The following PRODH2 variants were observed in gnomAD, a reference collection of about 807,000 sequenced individuals.
The protein encoded by PRODH2 is hydroxyproline dehydrogenase.
In PRODH2, 49 loss-of-function variants were observed where a neutral mutation model predicts 51.9. The observed-to-expected ratio is 0.94, with a 90% CI of 0.75 to 1.20. The LOEUF is 1.20. Among genes scored for constraint, PRODH2 ranks in the 50% most tolerant of loss-of-function variants. The probability of loss-of-function intolerance (pLI) is 0.00; values close to 1 mark genes in which losing one functional copy is unlikely to be tolerated. For missense variants in PRODH2, 597 were observed against 610.9 expected, an observed-to-expected ratio of 0.98 and a Z score of 0.24; for synonymous variants, 249 against 260.7, an observed-to-expected ratio of 0.96 and a Z score of 0.43.
At chr19:35,809,969 A>ACAAAAAAC (rs1972578644) in intron 4 of PRODH2, among the ~76,000 whole-genome samples, 1 of 122,152 alleles carries the variant, frequency 8.2e-6, no homozygotes, top group Admixed American at 8.5e-5. Context: ...AAAAAAAAAA[A>ACAAAAAAC]AAAAAAAAAA....
At chr19:35,807,200 A>G in intron 4 of PRODH2, 79 bp from the exon 5 acceptor site, 2 of 1,298,986 alleles carry the variant, frequency 1.5e-6, no homozygotes, top group Non-Finnish European at 2.2e-6. Context: ...GTTAGGTACT[A>G]TTTATTGAGG....
chr19:35,811,435 G>A, intron 4 of PRODH2, among the ~76,000 whole-genome samples: 1 of 107,502 alleles, frequency 9.3e-6, no homozygotes, highest in Admixed American at 1.0e-4. Context: ...AAGGAAGGAA[G>A]GAATAAAGGA....
intron 9 of PRODH2, 29 bp from the exon 10 acceptor site, chr19:35,800,251 G>A (rs556269960): frequency 1.9e-5 from 29 of 1,503,960 alleles, no homozygotes; most frequent in African/African-American, 8.4e-5. Flanking sequence ...TTGTTTTTTC[G>A]TTTTTGGTGT....
chr19:35,812,062 G>A lies in PRODH2; in HGVS notation c.511-14C>T, dbSNP rs753585668. On this transcript the variant is annotated splice_polypyrimidine_tract_variant and intron_variant, in intron 3 of 9. Transcript: ENST00000653904. ...GGCTAGCTCCTTCTGAAATGGGGTG[G>A]TAGGCGGGGTGGTGAGGGGAGCCCG... 23 of 1,613,976 alleles carry A rather than the reference G, an allele frequency of 1.4e-5. No homozygotes were observed. The highest frequency in any genetic ancestry group is 8.3e-5 in the Admixed American group (5 of 60,008).
At position 35,807,034 on chromosome 19, in the gene PRODH2, G is replaced by A. The variant is rs1414727966; in HGVS notation, c.678+7C>T. Reference sequence around the variant, plus strand: ...CCGGAGGTGCTGGTTCCAGCAGGAGGGGTTACCTGTGCCACCCGATGCAGG... The same window carrying A: ...CCGGAGGTGCTGGTTCCAGCAGGAGAGGTTACCTGTGCCACCCGATGCAGG... On this transcript the variant is annotated splice_region_variant and intron_variant, in intron 5 of 9. Coordinates refer to ENST00000653904, the MANE Select transcript of PRODH2 (RefSeq NM_021232.2). 10 of 1,550,202 alleles carry A rather than the reference G, an allele frequency of 6.5e-6. No individual in the cohort carries two copies. The highest frequency in any genetic ancestry group is 8.7e-6 in the Non-Finnish European group (10 of 1,146,866).
rs372605004 is a variant in PRODH2 at position 35,800,128 on chromosome 19, G to T, written c.1293C>A (p.Ser431Arg). 1.9e-6 allele frequency: 3 copies of T among 1,608,722 alleles called. No homozygotes were observed. The highest frequency in any genetic ancestry group is 1.7e-5 in the Admixed American group (1 of 59,324). Residue 431 changes from serine (S) to arginine (R), a missense_variant, in exon 10 of 10, where the codon AGC becomes AGA. By Grantham distance (110) the Ser-to-Arg change is moderately radical. Coordinates refer to ENST00000653904, the MANE Select transcript of PRODH2 (RefSeq NM_021232.2). ...YLIRRAQENRSVLQGARREQE... is the reference protein window; with the variant it reads ...YLIRRAQENRRVLQGARREQE... ...GTTCCCTGCGGGCACCCTGAAGCAC[G>T]CTCCGGTTCTCCTGGGCCCTCCGGA... is the stretch of plus-strand genomic sequence containing the variant.
At chr19:35,804,833 G>T (rs1367259267) in intron 7 of PRODH2, among the ~76,000 whole-genome samples, 2 of 152,192 alleles carry the variant, frequency 1.3e-5, no homozygotes, top group Admixed American at 1.3e-4. Flanking sequence ...CTACTGGGGA[G>T]ACTGAGGTGG....
intron 4 of PRODH2, 106 bp from the exon 5 acceptor site, chr19:35,807,227 A>G: frequency 9.2e-7 from 1 of 1,086,752 alleles, no homozygotes; most frequent in Non-Finnish European, 1.3e-6. Flanking sequence ...TGAGCCTAGA[A>G]TCAGGGCTCG....
intron 9 of PRODH2, among the ~76,000 whole-genome samples, chr19:35,801,405 G>A (rs967014476): frequency 1.2e-4 from 19 of 152,142 alleles, no homozygotes; most frequent in Admixed American, 4.6e-4. Context: ...GGCAAAGGTT[G>A]CAGTGAGCCA....
intron 2 of PRODH2, 25 bp from the exon 3 acceptor site, chr19:35,812,297 C>A (rs1209426596): frequency 6.2e-7 from 1 of 1,612,294 alleles, no homozygotes; most frequent in Non-Finnish European, 8.5e-7. Flanking sequence ...GGTGTCAGGG[C>A]CCGAACAGCA....
chr19:35,812,802 G>A lies in PRODH2; in HGVS notation c.4C>T (p.Leu2Phe). Residue 2 changes from leucine (L) to phenylalanine (F), a missense_variant, in exon 1 of 10, where the codon CTC becomes TTC. Coordinates refer to ENST00000653904, the MANE Select transcript of PRODH2 (RefSeq NM_021232.2). M[L>F]RTCYVLCSQA... ...GAACAGAGCACGTAACAGGTCCGGAGCATCCTGGGTCCCTGGCTGCCTCCA... is the reference window on the plus strand; with the variant it reads ...GAACAGAGCACGTAACAGGTCCGGAACATCCTGGGTCCCTGGCTGCCTCCA... 1 of 1,589,166 alleles carries A rather than the reference G, an allele frequency of 6.3e-7. No individual in the cohort carries two copies. The highest frequency in any genetic ancestry group is 8.6e-7 in the Non-Finnish European group (1 of 1,164,590).
chr19:35,810,471 C>T (rs1972591390), intron 4 of PRODH2, among the ~76,000 whole-genome samples: 1 of 151,316 alleles, frequency 6.6e-6, no homozygotes, highest in African/African-American at 2.4e-5. Flanking sequence ...GGGGGCCGGG[C>T]ATGGTGGCTC....
intron 7 of PRODH2, among the ~76,000 whole-genome samples, chr19:35,806,177 C>T (rs1020836106): frequency 6.6e-6 from 1 of 152,146 alleles, no homozygotes; most frequent in South Asian, 2.1e-4. Flanking sequence ...CCTTGAACTC[C>T]TGGCCTCAAG....
chr19:35,807,218 G>T (rs990496383), intron 4 of PRODH2, 97 bp from the exon 5 acceptor site: 11 of 1,176,254 alleles, frequency 9.4e-6, no homozygotes, highest in African/African-American at 1.5e-5. Flanking sequence ...AGGGGGTTAT[G>T]AGCCTAGAAT....
intron 4 of PRODH2, among the ~76,000 whole-genome samples, chr19:35,807,897 T>C (rs1284294504): frequency 6.6e-6 from 1 of 152,080 alleles, no homozygotes; most frequent in African/African-American, 2.4e-5. Context: ...TGCTTCAGCC[T>C]TCCAAGTACC....
At position 35,803,055 on chromosome 19, in the gene PRODH2, A is replaced by G; in HGVS notation, c.1025T>C (p.Met342Thr). The G allele has an allele frequency of 2.6e-6, 4 of 1,559,286 alleles. No individual in the cohort carries two copies. Among genetic ancestry groups the G allele is most frequent in the Non-Finnish European group, 3.5e-6 (4 of 1,147,748 alleles). Residue 342 changes from methionine (M) to threonine (T), a missense_variant, in exon 8 of 10, where the codon ATG (methionine) becomes ACG (threonine). By Grantham distance (81) the Met-to-Thr change is moderately conservative. Coordinates refer to ENST00000653904, the MANE Select transcript of PRODH2 (RefSeq NM_021232.2). ...SQSYSRCLEL[M>T]LTHVARHGPM... Reference sequence around the variant, plus strand: ...GCCATGGCGGGCCACGTGCGTCAGCATCAGTTCCAGGCAGCGGCTGTAACT... The same window carrying G: ...GCCATGGCGGGCCACGTGCGTCAGCGTCAGTTCCAGGCAGCGGCTGTAACT...
chr19:35,800,804 C>CA (rs1972411346), intron 9 of PRODH2, among the ~76,000 whole-genome samples: 1 of 152,044 alleles, frequency 6.6e-6, no homozygotes, highest in South Asian at 2.1e-4. Flanking sequence ...ACAATCCTCC[C>CA]ACCTCAGCCT....
intron 4 of PRODH2, among the ~76,000 whole-genome samples, chr19:35,809,958 CAAAAAAAA>C (rs1175392997): frequency 6.4e-3 from 82 of 12,818 alleles, no homozygotes; most frequent in African/African-American, 0.025. Context: ...GATGCCGCTT[CAAAAAAAA>C]AAAAAAAAAA....
intron 4 of PRODH2, among the ~76,000 whole-genome samples, chr19:35,808,068 T>C (rs569569995): frequency 3.9e-5 from 6 of 152,314 alleles, no homozygotes; most frequent in South Asian, 2.1e-4. Flanking sequence ...GTTTTAATTA[T>C]TGTCTCTTGC....
Sources: gnomAD v4.1 joint callset for allele counts (sites outside exome capture counted in the v4.1 genomes callset) on GRCh38, gnomAD v4.1.1 for gene constraint, MANE v1.5 for transcripts, NCBI Gene and HGNC (gene_info 2026-07-23, HGNC 2026-07-21) for gene names.